The following GRIK1 variants were observed in gnomAD, a reference collection of about 807,000 sequenced individuals.
GRIK1 encodes glutamate receptor ionotropic, kainate 1.
GRIK1 carries 69 observed loss-of-function variants against 105.7 expected under a neutral mutation model. The observed-to-expected ratio is 0.65, with a 90% confidence interval of 0.54 to 0.80. The LOEUF (loss-of-function observed/expected upper bound fraction) is 0.80. Among genes scored for constraint, GRIK1 ranks in the 30% least tolerant of loss-of-function variants. The pLI is 0.00. For missense variants in GRIK1, 1,109 were observed against 1,167.3 expected, an observed-to-expected ratio of 0.95 and a Z score of 0.73; for synonymous variants, 438 against 431.3, an observed-to-expected ratio of 1.02 and a Z score of -0.19.
chr21:29,900,478 A>AAAAAAAAAAAAAAAAAAAAAAAAAC (rs2070357238), intron 1 of GRIK1, among the ~76,000 whole-genome samples: 1 of 150,450 alleles, frequency 6.6e-6, no homozygotes, highest in Non-Finnish European at 1.5e-5. Flanking sequence ...AAAAAAAAAA[A>AAAAAAAAAAAAAAAAAAAAAAAAAC]AGCAAGGGTT....
At chr21:29,603,339 C>G (rs944214032) in intron 7 of GRIK1, among the ~76,000 whole-genome samples, 1 of 151,884 alleles carries the variant, frequency 6.6e-6, no homozygotes, top group African/African-American at 2.4e-5. Context: ...TACTGTAACA[C>G]ATAAAAAGAA....
At chr21:29,793,228 T>C (rs2066471927) in intron 1 of GRIK1, among the ~76,000 whole-genome samples, 1 of 152,214 alleles carries the variant, frequency 6.6e-6, no homozygotes, top group Non-Finnish European at 1.5e-5. Flanking sequence ...CCAGATAACA[T>C]GAACATGAGG....
At chr21:29,712,026 A>G (rs1249080378) in intron 1 of GRIK1, among the ~76,000 whole-genome samples, 1 of 151,128 alleles carries the variant, frequency 6.6e-6, no homozygotes, top group Non-Finnish European at 1.5e-5. Context: ...CTTTTTTGCT[A>G]TGTGTATTTA....
At chr21:29,743,147 A>G (rs186656378) in intron 1 of GRIK1, among the ~76,000 whole-genome samples, 31 of 152,278 alleles carry the variant, frequency 2.0e-4, no homozygotes, top group Middle Eastern at 3.4e-3. Flanking sequence ...CCAAATAAAT[A>G]CATGTAAATG....
Position 29,896,948 on chromosome 21 carries a change from C to A in GRIK1, c.118+42435G>T, listed in dbSNP as rs961789395. 2.0e-5 allele frequency among the ~76,000 whole-genome samples: 3 copies of A among 152,176 alleles called. 1 individual carries two copies. The highest frequency in any genetic ancestry group is 2.0e-4 in the Admixed American group (3 of 15,272). On this transcript the variant is annotated intron_variant, in intron 1 of 17. Transcript: ENST00000327783. ...AAGGGCACTTTGTAGCTCTTGCAGC[C>A]TCTGAGTCTGTGGGTTCCAAAAGGT...
At position 29,898,104 on chromosome 21, in the gene GRIK1, G is replaced by A. The variant is rs75924808; in HGVS notation, c.118+41279C>T. Among the ~76,000 whole-genome samples, 1,127 of 152,262 alleles carry A rather than the reference G, an allele frequency of 7.4e-3. 12 individuals are homozygous for A. The highest frequency in any genetic ancestry group is 0.023 in the African/African-American group (957 of 41,550). On this transcript the variant is annotated intron_variant, in intron 1 of 17. Transcript: ENST00000327783. The stretch of plus-strand genomic sequence containing the variant: ...CCACTCATACATGTTCTAATAATCT[G>A]TTCTTGGGTGAATATCACAAGAATC...
rs115195424 is a variant in GRIK1 at position 29,620,985 on chromosome 21, A to T, written c.1098+21841T>A. ...CTACATATACAGAATTTGGAAAAAA[A>T]ATATATATCTTATATTGCTCTAGGA... On this transcript the variant is annotated intron_variant, in intron 7 of 17. Coordinates refer to ENST00000327783, the MANE Select transcript of GRIK1 (RefSeq NM_001330994.2). Among the ~76,000 whole-genome samples the T allele has an allele frequency of 4.5e-3, 668 of 149,678 alleles. 7 individuals are homozygous for T. Among genetic ancestry groups the T allele is most frequent in the African/African-American group, 0.016 (633 of 40,826 alleles).
intron 7 of GRIK1, among the ~76,000 whole-genome samples, chr21:29,617,500 T>A (rs1223666109): frequency 6.6e-6 from 1 of 152,230 alleles, no homozygotes; most frequent in Non-Finnish European, 1.5e-5. Context: ...AAAAGATGCA[T>A]GTTATGTGCT....
At chr21:29,904,140 G>A (rs2070516256) in intron 1 of GRIK1, among the ~76,000 whole-genome samples, 1 of 152,122 alleles carries the variant, frequency 6.6e-6, no homozygotes, top group South Asian at 2.1e-4. Context: ...GGATGCTAGG[G>A]GAGGGTTAGC....
At chr21:29,786,562 T>C (rs1222684524) in intron 1 of GRIK1, among the ~76,000 whole-genome samples, 1 of 152,210 alleles carries the variant, frequency 6.6e-6, no homozygotes, top group African/African-American at 2.4e-5. Flanking sequence ...ATATCCTTCT[T>C]GGTGTCTGTC....
chr21:29,859,450 A>T (rs2068570996), intron 1 of GRIK1, among the ~76,000 whole-genome samples: 1 of 152,206 alleles, frequency 6.6e-6, no homozygotes. Context: ...ATTGATAGGA[A>T]TAATGTATTT....
chr21:29,759,709 T>C (rs868583230), intron 1 of GRIK1, among the ~76,000 whole-genome samples: 1 of 152,154 alleles, frequency 6.6e-6, no homozygotes, highest in Non-Finnish European at 1.5e-5. Flanking sequence ...TATAGAATAT[T>C]GGGTTTAATT....
intron 1 of GRIK1, among the ~76,000 whole-genome samples, chr21:29,880,574 A>G (rs1309260132): frequency 1.3e-5 from 2 of 152,188 alleles, no homozygotes; most frequent in African/African-American, 4.8e-5. Flanking sequence ...ATGAAATTCT[A>G]AAGCCCAAGT....
chr21:29,886,734 G>A (rs372435562), intron 1 of GRIK1, among the ~76,000 whole-genome samples: 2 of 152,046 alleles, frequency 1.3e-5, no homozygotes. Context: ...CTTATCACCA[G>A]GTTAATAGAA....
chr21:29,714,098 A>T (rs1234099345), intron 1 of GRIK1, among the ~76,000 whole-genome samples: 1 of 152,198 alleles, frequency 6.6e-6, no homozygotes, highest in Non-Finnish European at 1.5e-5. Context: ...ACATGATCTA[A>T]TCTGTATTTT....
At position 29,689,982 on chromosome 21, in the gene GRIK1, C is replaced by T; in HGVS notation, c.290G>A (p.Cys97Tyr). ...FDSFEASRRA[C>Y]DQLALGVAAL... ...AGCCACACCAAGAGCCAGCTGGTCA[C>T]ATGCTGATGCCCAAGGACAAGGAGA... is the stretch of plus-strand genomic sequence containing the variant. Residue 97 changes from cysteine to tyrosine, a missense_variant, in exon 3 of 18, where the codon TGT becomes TAT. Physicochemically the swap from Cys to Tyr is radical, Grantham distance 194 (BLOSUM62 -2). Around this residue, in one of 5 missense-constraint regions of GRIK1, gnomAD observed 612 missense variants for 586.0 expected, o/e 1.04. Coordinates refer to ENST00000327783, the MANE Select transcript of GRIK1 (RefSeq NM_001330994.2). The T allele has an allele frequency of 1.9e-6, 3 of 1,579,156 alleles. No individual in the cohort carries two copies. The highest frequency in any genetic ancestry group is 2.3e-5 in the East Asian group (1 of 42,712).
intron 7 of GRIK1, among the ~76,000 whole-genome samples, chr21:29,629,049 A>G (rs1444701305): frequency 2.0e-5 from 3 of 152,202 alleles, no homozygotes; most frequent in Non-Finnish European, 2.9e-5. Context: ...CTAAGTGAAT[A>G]AAATGAATTT....
At chr21:29,672,582 G>T (rs879484748) in intron 4 of GRIK1, among the ~76,000 whole-genome samples, 9 of 152,142 alleles carry the variant, frequency 5.9e-5, no homozygotes, top group South Asian at 2.1e-4. Flanking sequence ...TGACAAAAAG[G>T]TCTTGCCATG....
chr21:29,538,802 A>T (rs756906445), intron 16 of GRIK1, among the ~76,000 whole-genome samples: 1 of 152,170 alleles, frequency 6.6e-6, no homozygotes, highest in Non-Finnish European at 1.5e-5. Context: ...AGCATGCAAC[A>T]TGTGTATTTG....
Sources: gnomAD v4.1 joint callset for allele counts (sites outside exome capture counted in the v4.1 genomes callset) on GRCh38, gnomAD v4.1.1 for gene constraint, gnomAD v4.1.1 regional missense constraint, MANE v1.5 for transcripts, NCBI Gene and HGNC (gene_info 2026-07-23, HGNC 2026-07-21) for gene names.